The following MAP1A variants were observed in gnomAD, a reference collection of about 807,000 sequenced individuals.
MAP1A encodes the protein microtubule associated protein 1A.
MAP1A carries 42 observed loss-of-function variants against 185.9 expected under a neutral mutation model. That is an observed-to-expected ratio of 0.23 (90% CI 0.18 to 0.29). MAP1A has a LOEUF of 0.29. Among genes scored for constraint, MAP1A ranks in the 10% least tolerant of loss-of-function variants. MAP1A has a pLI of 1.00. For missense variants in MAP1A, 2,995 were observed against 3,450.4 expected (o/e 0.87, Z 3.31); for synonymous variants, 1,229 against 1,335.9 (o/e 0.92, Z 1.74).
chr15:43,517,985 TCTGCCTGA>T (rs1399275534), intron 1 of MAP1A, among the ~76,000 whole-genome samples: 6 of 152,236 alleles, frequency 3.9e-5, no homozygotes, highest in African/African-American at 1.4e-4. Flanking sequence ...TGCCACTGGC[TCTGCCTGA>T]CAGCCCAGGA....
intron 1 of MAP1A, among the ~76,000 whole-genome samples, chr15:43,518,708 A>ACCCCCC (rs34711237): frequency 1.4e-4 from 12 of 83,620 alleles, no homozygotes; most frequent in African/African-American, 3.2e-4. Context: ...ACCGCAGCCC[A>ACCCCCC]CCCCCCCCCG....
upstream of MAP1A, among the ~76,000 whole-genome samples, chr15:43,515,009 A>T (rs1219105991): frequency 6.6e-6 from 1 of 152,090 alleles, no homozygotes; most frequent in Admixed American, 6.5e-5. Flanking sequence ...TGAGGTTAGG[A>T]GTTTGAGACC....
rs1566979964 is a variant in MAP1A at position 43,530,449 on chromosome 15, G to A, written c.*225G>A. 1.7e-6 allele frequency: 1 copy of A among 571,716 alleles called. No individual in the cohort carries two copies. The highest frequency in any genetic ancestry group is 3.1e-6 in the Non-Finnish European group (1 of 321,762). 35.4% of individuals were successfully genotyped at this position (571,716 alleles called of 1,614,324 possible). A position where few individuals can be genotyped will look rare whatever the true frequency, so the allele number is the denominator to read the frequency against. On this transcript the variant is annotated 3_prime_UTR_variant, in exon 6 of 6. Coordinates refer to ENST00000300231, the MANE Select transcript of MAP1A (RefSeq NM_002373.6). Reference sequence around the variant, plus strand: ...TTAACAGGGAGAGGATGGGGGAGGGGACAAATTAGAATAGGATAGCATCTG... The same window carrying A: ...TTAACAGGGAGAGGATGGGGGAGGGAACAAATTAGAATAGGATAGCATCTG...
chr15:43,512,176 T>C (rs775364981), intron 1 of MAP1A: 2 of 1,490,580 alleles, frequency 1.3e-6, no homozygotes, highest in South Asian at 2.4e-5. Flanking sequence ...ACCTTCTTTG[T>C]TTTTCTCCCA....
chr15:43,527,601 T>C lies in MAP1A; in HGVS notation c.6128T>C (p.Val2043Ala), dbSNP rs750026319. Residue 2043 changes from valine to alanine, a missense_variant, in exon 4 of 6, where the codon GTA becomes GCA. Transcript: ENST00000300231. ...FSYAALAGPTVPPRPEPGPSM... is the reference protein window; with the variant it reads ...FSYAALAGPTAPPRPEPGPSM... ...TATGCAGCCCTGGCAGGACCCACTG[T>C]ACCCCCAAGGCCAGAGCCAGGGCCA... 1 of 1,614,030 alleles carries C rather than the reference T, an allele frequency of 6.2e-7. No homozygotes were observed. The highest frequency in any genetic ancestry group is 1.1e-5 in the South Asian group (1 of 91,082).
rs1566978509 is a variant in MAP1A at position 43,526,300 on chromosome 15, G to C, written c.4827G>C (p.Glu1609Asp). 6.2e-6 allele frequency: 10 copies of C among 1,614,048 alleles called. No individual in the cohort carries two copies. In the East Asian group the frequency reaches 2.0e-4, roughly 32 times the overall value. ...KSPEKVKAME[E>D]KLEALLEKTK... is the part of the protein sequence containing the mutation. Reference sequence around the variant, plus strand: ...CAGAAAAGGTCAAGGCCATGGAAGAGAAGTTAGAAGCTCTTCTGGAGAAGA... The same window carrying C: ...CAGAAAAGGTCAAGGCCATGGAAGACAAGTTAGAAGCTCTTCTGGAGAAGA... The change falls in exon 4 of 6, where the codon GAG (glutamate) becomes GAC (aspartate). Residue 1609 changes from glutamate (E) to aspartate (D), a missense_variant. Physicochemically the swap from Glu to Asp is conservative, Grantham distance 45. This residue lies in a region of MAP1A where 2,728 missense variants were observed against 2,986.0 expected (regional missense o/e 0.91). Coordinates refer to ENST00000300231, the MANE Select transcript of MAP1A (RefSeq NM_002373.6). This position sits in a 1 kb window ranked among gnomAD's most constrained non-coding sequence, Gnocchi z 4.7.
chr15:43,526,622 G>A lies in MAP1A; in HGVS notation c.5149G>A (p.Ala1717Thr). 2 of 1,614,148 alleles carry A rather than the reference G, an allele frequency of 1.2e-6. No homozygotes were observed. Among genetic ancestry groups the A allele is most frequent in the South Asian group, 2.2e-5 (2 of 91,088 alleles). The change falls in exon 4 of 6, where the codon GCC (alanine) becomes ACC (threonine). Residue 1717 changes from alanine to threonine, a missense_variant. Physicochemically the swap from Ala to Thr is moderately conservative, Grantham distance 58. This residue lies in a region of MAP1A where 2,728 missense variants were observed against 2,986.0 expected (regional missense o/e 0.91). Coordinates refer to ENST00000300231, the MANE Select transcript of MAP1A (RefSeq NM_002373.6). This position sits in a 1 kb window ranked among gnomAD's most constrained non-coding sequence, Gnocchi z 4.7. ...CCCTCACGAGCTGGATGGCCAGGGG[G>A]CCCGCCCACACTACACTGAGGAACG... Reference protein sequence around the residue: ...WFPHELDGQGARPHYTEERES... With the variant: ...WFPHELDGQGTRPHYTEERES...
Position 43,527,335 on chromosome 15 carries a change from AGAGCCCACACCCTAT to A in MAP1A, c.5863_5877del (p.Glu1955_Tyr1959del). ...CTGAGCAGACTGAGCCGGAGCAGAG[AGAGCCCACACCCTAT>A]CCTGATGAGAGAAGCTTTCAGTATG... On this transcript the variant is annotated inframe_deletion, in exon 4 of 6. Transcript: ENST00000300231. The A allele has an allele frequency of 6.2e-7, 1 of 1,614,088 alleles. No homozygotes were observed. Among genetic ancestry groups the A allele is most frequent in the Non-Finnish European group, 8.5e-7 (1 of 1,180,008 alleles).
chr15:43,512,171 CTTT>C (rs1334344999), intron 1 of MAP1A: 12 of 1,456,304 alleles, frequency 8.2e-6, no homozygotes, highest in Middle Eastern at 3.4e-4. Flanking sequence ...CCAGAACCTT[CTTT>C]GTTTTTCTCC....
At position 43,520,683 on chromosome 15, in the gene MAP1A, T is replaced by A. The variant is rs1440693943; in HGVS notation, c.-332T>A. ...CACCAGAGTGAGATCCTAGAGACCA[T>A]CATCCTGGTAAATCCCAGTGCAGAC... On this transcript the variant is annotated 5_prime_UTR_variant, in exon 2 of 6. Transcript: ENST00000300231. 3.2e-6 allele frequency: 5 copies of A among 1,550,416 alleles called. No individual in the cohort carries two copies. The highest frequency in any genetic ancestry group is 3.5e-6 in the Non-Finnish European group (4 of 1,146,752).
chr15:43,519,446 A>G (rs557588909), intron 1 of MAP1A, among the ~76,000 whole-genome samples: 1 of 152,290 alleles, frequency 6.6e-6, no homozygotes, highest in African/African-American at 2.4e-5. Flanking sequence ...AGCACCAGAA[A>G]GAAGAGAGAG....
chr15:43,526,543 C>T lies in MAP1A; in HGVS notation c.5070C>T (p.Ala1690=), dbSNP rs1160560732. 1 of 1,614,120 alleles carries T rather than the reference C, an allele frequency of 6.2e-7. No individual in the cohort carries two copies. The highest frequency in any genetic ancestry group is 8.5e-7 in the Non-Finnish European group (1 of 1,180,018). The change falls in exon 4 of 6, where the codon GCC becomes GCT. Residue 1690 remains alanine, a synonymous_variant. Transcript: ENST00000300231. The surrounding 1 kb of genome is among the most constrained non-coding windows in gnomAD (Gnocchi z 4.7). The part of the protein sequence containing the change: ...NRYWRGREDV[A]LEQDTYWREL... ...ATTGGAGGGGCAGAGAGGATGTGGC[C>T]TTGGAACAGGACACATACTGGAGGG... is the stretch of plus-strand genomic sequence containing the variant.
chr15:43,515,662 G>A (rs1366930308), upstream of MAP1A, among the ~76,000 whole-genome samples: 2 of 152,148 alleles, frequency 1.3e-5, no homozygotes, highest in Non-Finnish European at 2.9e-5. Context: ...CAGCATTATC[G>A]GAGGATGGTA....
Position 43,526,567 on chromosome 15 carries a change from G to A in MAP1A, c.5094G>A (p.Arg1698=). 6.2e-7 allele frequency: 1 copy of A among 1,614,196 alleles called. No homozygotes were observed. The highest frequency in any genetic ancestry group is 1.6e-4 in the Middle Eastern group (1 of 6,062). The change falls in exon 4 of 6, where the codon AGG becomes AGA. Residue 1698 remains arginine, a synonymous_variant. Transcript: ENST00000300231. The surrounding 1 kb of genome is among the most constrained non-coding windows in gnomAD (Gnocchi z 4.7). ...DVALEQDTYW[R]ELSCERKVWF... is the part of the protein sequence containing the mutation. ...CCTTGGAACAGGACACATACTGGAGGGAGCTAAGCTGTGAGCGGAAGGTCT... is the reference window on the plus strand; with the variant it reads ...CCTTGGAACAGGACACATACTGGAGAGAGCTAAGCTGTGAGCGGAAGGTCT...
rs1470759178 is a variant in MAP1A, at chr15:43,521,477, G to C, written c.4G>C (p.Asp2His). The change falls in exon 4 of 6, where the codon GAC becomes CAC. Residue 2 changes from aspartate (D) to histidine (H), a missense_variant. Asp to His is a moderately conservative substitution (Grantham distance 81, BLOSUM62 -1). Transcript: ENST00000300231. The surrounding 1 kb of genome is among the most constrained non-coding windows in gnomAD (Gnocchi z 4.6). MDGVAEFSEYVS... is the reference protein window; with the variant it reads MHGVAEFSEYVS... ...CCCTGAGCCCACTCTGCCCACCATG[G>C]ACGGCGTGGCTGAGTTCTCCGAGTA... 1.9e-6 allele frequency: 3 copies of C among 1,614,050 alleles called. No homozygotes were observed. The highest frequency in any genetic ancestry group is 8.5e-7 in the Non-Finnish European group (1 of 1,180,038).
In MAP1A at chr15:43,525,469, C is replaced by T; in HGVS notation, c.3996C>T (p.Gly1332=). Residue 1332 remains glycine, a synonymous_variant, in exon 4 of 6, where the codon GGC becomes GGT. Transcript: ENST00000300231. ...CCAAGAGTCCTGAGTCTTTGCCAGG[C>T]CCTGCCTTGGAGGACATTGCCATAA... ...SFSKSPESLP[G]PALEDIAIKW... The T allele has an allele frequency of 1.2e-6, 2 of 1,614,218 alleles. No individual in the cohort carries two copies. Among genetic ancestry groups the T allele is most frequent in the Non-Finnish European group, 1.7e-6 (2 of 1,180,030 alleles).
At position 43,526,343 on chromosome 15, in the gene MAP1A, G is replaced by A. The variant is rs1345816029; in HGVS notation, c.4870G>A (p.Glu1624Lys). 5.6e-6 allele frequency: 9 copies of A among 1,614,082 alleles called. No individual in the cohort carries two copies. Among genetic ancestry groups the A allele is most frequent in the Non-Finnish European group, 5.9e-6 (7 of 1,180,028 alleles). Residue 1624 changes from glutamate to lysine, a missense_variant, in exon 4 of 6, where the codon GAA becomes AAA. Physicochemically the swap from Glu to Lys is moderately conservative, Grantham distance 56. This residue lies in a region of MAP1A where 2,728 missense variants were observed against 2,986.0 expected (regional missense o/e 0.91). Coordinates refer to ENST00000300231, the MANE Select transcript of MAP1A (RefSeq NM_002373.6). The surrounding 1 kb of genome is among the most constrained non-coding windows in gnomAD (Gnocchi z 4.7). Reference sequence around the variant, plus strand: ...GGAGAAGACCAAAGCTCTGGGCCTGGAAGAGAGCCTAGTGCAGGAGGGCAG... The same window carrying A: ...GGAGAAGACCAAAGCTCTGGGCCTGAAAGAGAGCCTAGTGCAGGAGGGCAG... ...LLEKTKALGL[E>K]ESLVQEGRAR...
chr15:43,520,773 A>C (rs1595646475), intron 2 of MAP1A, 50 bp downstream of exon 2: 2 of 1,443,490 alleles, frequency 1.4e-6, no homozygotes, highest in East Asian at 5.0e-5. Flanking sequence ...CAAGTGCTAT[A>C]CCCACCCTTG....
rs778715602 is a variant in MAP1A at position 43,530,182 on chromosome 15, G to A, written c.8370G>A (p.Val2790=). Reference sequence around the variant, plus strand: ...TCCTGGCTAGCAGCAGCACCGTGGTGATGCAGGATGAGTCCTTCCCTGCCT... The same window carrying A: ...TCCTGGCTAGCAGCAGCACCGTGGTAATGCAGGATGAGTCCTTCCCTGCCT... ...VLVLASSSTV[V]MQDESFPACK... The change falls in exon 6 of 6, where the codon GTG becomes GTA. Residue 2790 remains valine, a synonymous_variant. Coordinates refer to ENST00000300231, the MANE Select transcript of MAP1A (RefSeq NM_002373.6). The A allele has an allele frequency of 1.2e-6, 2 of 1,614,182 alleles. No individual in the cohort carries two copies. Among genetic ancestry groups the A allele is most frequent in the South Asian group, 2.2e-5 (2 of 91,086 alleles).
Sources: gnomAD v4.1 joint callset for allele counts (sites outside exome capture counted in the v4.1 genomes callset) on GRCh38, gnomAD v4.1.1 for gene constraint, gnomAD v4.1.1 regional missense constraint, Gnocchi (gnomAD v3.1) non-coding constraint, MANE v1.5 for transcripts, NCBI Gene and HGNC (gene_info 2026-07-23, HGNC 2026-07-21) for gene names.